G6PC1: variants seen among roughly 807,000 people sequenced by gnomAD.
G6PC1 encodes the protein glucose-6-phosphatase catalytic subunit 1.
Under a neutral mutation model 30.4 loss-of-function variants are expected in G6PC1, and 23 were observed. The observed-to-expected ratio is 0.76, with a 90% CI of 0.55 to 1.07. The LOEUF is 1.07. G6PC1 is among the 50% of genes least tolerant of loss of function. G6PC1 has a pLI of 0.00. For synonymous variants in G6PC1, 163 were observed against 175.6 expected (o/e 0.93, Z 0.57); for missense variants, 391 against 433.9 (o/e 0.90, Z 0.88).
rs748053431 is a variant in G6PC1, at chr17:42,911,342, T to C, written c.990T>C (p.Ser330=). 1.9e-6 allele frequency: 3 copies of C among 1,614,006 alleles called. No individual in the cohort carries two copies. In the South Asian group the frequency reaches 3.3e-5, roughly 18 times the overall value. The change falls in exon 5 of 5, where the codon AGT becomes AGC. Residue 330 remains serine, a synonymous_variant. Transcript: ENST00000253801. ...LVFYVLSFCK[S]AVVPLASVSV... is the part of the protein sequence containing the mutation. ...TCTACGTCTTGTCCTTCTGCAAGAG[T>C]GCGGTAGTGCCCCTGGCATCCGTCA...
In G6PC1 at chr17:42,907,510, T is replaced by C; in HGVS notation, c.341-13T>C. ...CTTTTCACCTTTACTCCATTCTCTT[T>C]CCTGCCCTTTAGGGAGCCCCTCTGG... On this transcript the variant is annotated splice_polypyrimidine_tract_variant and intron_variant, in intron 2 of 4. Transcript: ENST00000253801. 6.3e-7 allele frequency: 1 copy of C among 1,593,266 alleles called. No homozygotes were observed.
chr17:42,908,508 G>A lies in G6PC1; in HGVS notation c.447-795G>A, dbSNP rs186992113. On this transcript the variant is annotated intron_variant, in intron 3 of 4. Coordinates refer to ENST00000253801, the MANE Select transcript of G6PC1 (RefSeq NM_000151.4). Reference sequence around the variant, plus strand: ...TGCAACCTCCGCTTCCTGGGTTCAAGCTATTCTTCTGCCTCAGCCTACCGA... The same window carrying A: ...TGCAACCTCCGCTTCCTGGGTTCAAACTATTCTTCTGCCTCAGCCTACCGA... Among the ~76,000 whole-genome samples, 11 of 151,082 alleles carry A rather than the reference G, an allele frequency of 7.3e-5. No individual in the cohort carries two copies. In the East Asian group the frequency reaches 1.9e-3, roughly 27 times the overall value.
At position 42,907,717 on chromosome 17, in the gene G6PC1, C is replaced by T. The variant is rs2056071128; in HGVS notation, c.446+89C>T. On this transcript the variant is annotated intron_variant, in intron 3 of 4. Transcript: ENST00000253801. The stretch of plus-strand genomic sequence containing the variant: ...ACACCACGTATTCTTCCTCACATCC[C>T]CCTAGCCCGCTCCCACACCTGGGCA... 6.8e-6 allele frequency: 6 copies of T among 888,504 alleles called. No individual in the cohort carries two copies. The South Asian group carries it at 6.9e-5, about 10-fold the overall frequency. 55.0% of individuals were successfully genotyped at this position (888,504 alleles called of 1,614,324 possible).
At chr17:42,910,135 G>A (rs972694287) in intron 4 of G6PC1, among the ~76,000 whole-genome samples, 8 of 152,284 alleles carry the variant, frequency 5.3e-5, no homozygotes, top group Non-Finnish European at 1.2e-4. Flanking sequence ...ACAAGGGTGA[G>A]CCACCGCACC....
intron 1 of G6PC1, among the ~76,000 whole-genome samples, chr17:42,901,337 G>A (rs2056024972): frequency 1.3e-5 from 2 of 152,126 alleles, no homozygotes. Flanking sequence ...TTAAAGGGTA[G>A]GACAGTTGAA....
Position 42,900,992 on chromosome 17 carries a change from T to G in G6PC1, c.116T>G (p.Leu39Arg). The G allele has an allele frequency of 6.2e-7, 1 of 1,614,172 alleles. No homozygotes were observed. Among genetic ancestry groups the G allele is most frequent in the Non-Finnish European group, 8.5e-7 (1 of 1,180,036 alleles). ...ATCTTGGTGTCCGTGATCGCAGACC[T>G]CAGGAATGCCTTCTACGTCCTCTTC... ...WFILVSVIAD[L>R]RNAFYVLFPI... is the part of the protein sequence containing the mutation. The change falls in exon 1 of 5, where the codon CTC (leucine) becomes CGC (arginine). Residue 39 changes from leucine to arginine, a missense_variant. Transcript: ENST00000253801.
intron 4 of G6PC1, 101 bp downstream of exon 4, chr17:42,909,519 A>G (rs2056083229): frequency 4.7e-6 from 4 of 860,142 alleles, no homozygotes; most frequent in Non-Finnish European, 8.1e-6. Context: ...TCCTGTGTGT[A>G]ATCAGTACTG....
chr17:42,907,728 T>A, intron 3 of G6PC1, 100 bp downstream of exon 3: 1 of 819,510 alleles, frequency 1.2e-6, no homozygotes. Context: ...CCTAGCCCGC[T>A]CCCACACCTG....
At chr17:42,907,956 C>T (rs1371328895) in intron 3 of G6PC1, among the ~76,000 whole-genome samples, 1 of 152,220 alleles carries the variant, frequency 6.6e-6, no homozygotes, top group Non-Finnish European at 1.5e-5. Flanking sequence ...GTCACCCATC[C>T]AGGTTAAAAT....
At chr17:42,905,596 C>CAT (rs1362321759) in intron 2 of G6PC1, among the ~76,000 whole-genome samples, 3 of 150,720 alleles carry the variant, frequency 2.0e-5, no homozygotes, top group African/African-American at 7.3e-5. Flanking sequence ...TTGCTTTCAT[C>CAT]ATAACAGCTT....
chr17:42,905,428 AAAT>A (rs1250749561), intron 2 of G6PC1, among the ~76,000 whole-genome samples: 7 of 132,790 alleles, frequency 5.3e-5, no homozygotes, highest in Non-Finnish European at 7.7e-5. Context: ...AAAAAAAAAA[AAAT>A]ATATATATAT....
At position 42,911,603 on chromosome 17, in the gene G6PC1, A is replaced by G; in HGVS notation, c.*177A>G. ...GTCGCCTGGCTTATTCCCATGTGTGACTCCAGCCTGCCCTCAGCACAGACT... is the reference window on the plus strand; with the variant it reads ...GTCGCCTGGCTTATTCCCATGTGTGGCTCCAGCCTGCCCTCAGCACAGACT... On this transcript the variant is annotated 3_prime_UTR_variant, in exon 5 of 5. Transcript: ENST00000253801. The G allele has an allele frequency of 1.2e-6, 1 of 862,460 alleles. No homozygotes were observed. Among genetic ancestry groups the G allele is most frequent in the South Asian group, 1.6e-5 (1 of 63,290 alleles). The allele number at this position is 862,460 out of a possible 1,614,324, so 53.4% of individuals were successfully genotyped here.
chr17:42,901,385 A>G (rs1431809434), intron 1 of G6PC1, among the ~76,000 whole-genome samples: 1 of 152,126 alleles, frequency 6.6e-6, no homozygotes, highest in Admixed American at 6.6e-5. Flanking sequence ...CTTTGAGCAA[A>G]GAGTTTTATT....
At chr17:42,906,396 G>A (rs550267679) in intron 2 of G6PC1, among the ~76,000 whole-genome samples, 26 of 152,260 alleles carry the variant, frequency 1.7e-4, no homozygotes, top group African/African-American at 6.3e-4. Context: ...ATCAGACCCT[G>A]GGGAGAGCGT....
intron 2 of G6PC1, chr17:42,904,350 G>A (rs1289128063): frequency 2.5e-6 from 1 of 394,510 alleles, no homozygotes; most frequent in Non-Finnish European, 4.8e-6. Context: ...AGCTTCTGGG[G>A]GTCCTTCCCA....
intron 3 of G6PC1, 104 bp from the exon 4 acceptor site, chr17:42,909,199 T>C (rs1052952321): frequency 4.6e-6 from 4 of 878,828 alleles, no homozygotes; most frequent in East Asian, 2.4e-5. Context: ...AAAATTCCAC[T>C]GAGAGCACCT....
intron 1 of G6PC1, among the ~76,000 whole-genome samples, chr17:42,902,888 G>C (rs1291317510): frequency 1.3e-5 from 2 of 152,042 alleles, no homozygotes; most frequent in African/African-American, 2.4e-5. Flanking sequence ...TTCCCTGGGG[G>C]GGGCTCGTCC....
rs754518597 is a variant in G6PC1, at chr17:42,913,393, C to T, written c.*1967C>T. 3 of 152,204 alleles carry T rather than the reference C, an allele frequency of 2.0e-5. No individual in the cohort carries two copies. Among genetic ancestry groups the T allele is most frequent in the African/African-American group, 4.8e-5 (2 of 41,454 alleles). 9.4% of individuals were successfully genotyped at this position (152,204 alleles called of 1,614,324 possible). A position where few individuals can be genotyped will look rare whatever the true frequency, so the allele number is the denominator to read the frequency against. The stretch of plus-strand genomic sequence containing the variant: ...TCTGAAGTTTCTAATTCTGGCCCAA[C>T]TAAATTTCTAGCTCTGTTTCCCTAA... On this transcript the variant is annotated 3_prime_UTR_variant, in exon 5 of 5. Coordinates refer to ENST00000253801, the MANE Select transcript of G6PC1 (RefSeq NM_000151.4).
chr17:42,911,275 T>C lies in G6PC1; in HGVS notation c.923T>C (p.Val308Ala). The C allele has an allele frequency of 1.2e-6, 2 of 1,614,166 alleles. No individual in the cohort carries two copies. Among genetic ancestry groups the C allele is most frequent in the Non-Finnish European group, 1.7e-6 (2 of 1,180,026 alleles). The change falls in exon 5 of 5, where the codon GTC becomes GCC. Residue 308 changes from valine (V) to alanine (A), a missense_variant. Transcript: ENST00000253801. ...SIVASLVLLH[V>A]FDSLKPPSQV... ...GTAGCCTCCCTCGTCCTCCTGCACG[T>C]CTTTGACTCCTTGAAACCCCCATCC...
Sources: allele counts gnomAD v4.1 joint callset (sites outside exome capture counted in the v4.1 genomes callset), GRCh38; gene constraint gnomAD v4.1.1; transcripts MANE v1.5; gene names NCBI Gene and HGNC (gene_info 2026-07-23, HGNC 2026-07-21).